Variants in NSMCE2 observed in about 807,000 individuals in gnomAD.
NSMCE2 encodes E3 SUMO-protein ligase NSE2.
NSMCE2 carries 24 observed loss-of-function variants against 23.8 expected under a neutral mutation model. The ratio of observed to expected loss-of-function variants is 1.01; its 90% CI spans 0.73 to 1.42. NSMCE2 has a LOEUF of 1.42. NSMCE2 is among the 40% of genes most tolerant of loss of function. NSMCE2 has a pLI of 0.00. For missense variants in NSMCE2, 284 were observed against 296.5 expected (o/e 0.96, Z 0.31); for synonymous variants, 92 against 94.1 (o/e 0.98, Z 0.13).
chr8:125,272,636 C>T (rs1398218055), intron 5 of NSMCE2, among the ~76,000 whole-genome samples: 6 of 127,880 alleles, frequency 4.7e-5, no homozygotes, highest in African/African-American at 1.8e-4. Context: ...ACACTTTATA[C>T]TGCCACAATA....
intron 5 of NSMCE2, among the ~76,000 whole-genome samples, chr8:125,237,640 A>G (rs868520827): frequency 3.3e-5 from 5 of 152,244 alleles, no homozygotes; most frequent in Admixed American, 2.6e-4. Flanking sequence ...TTCACTGTGA[A>G]TTAATAAAGT....
intron 4 of NSMCE2, among the ~76,000 whole-genome samples, chr8:125,173,037 A>G (rs1258422214): frequency 6.6e-6 from 1 of 152,194 alleles, no homozygotes; most frequent in African/African-American, 2.4e-5. Flanking sequence ...CAGGTGTTCC[A>G]GGTTCCAGAC....
At chr8:125,365,904 C>T (rs902959526) in intron 7 of NSMCE2, among the ~76,000 whole-genome samples, 2 of 152,086 alleles carry the variant, frequency 1.3e-5, no homozygotes, top group African/African-American at 2.4e-5. Context: ...GCCCCATTGG[C>T]GCACTGACCT....
At chr8:125,116,396 C>T (rs750861394) in intron 3 of NSMCE2, among the ~76,000 whole-genome samples, 7 of 152,116 alleles carry the variant, frequency 4.6e-5, no homozygotes, top group Non-Finnish European at 1.0e-4. Flanking sequence ...GATTTTCTTC[C>T]TTATGTTAAA....
chr8:125,333,795 G>A (rs539936095), intron 5 of NSMCE2, among the ~76,000 whole-genome samples: 292 of 152,154 alleles, frequency 1.9e-3, no homozygotes, highest in African/African-American at 6.6e-3. Context: ...TTACAGGCGT[G>A]AGCCACCGCG....
chr8:125,247,693 C>T (rs1432181932), intron 5 of NSMCE2, among the ~76,000 whole-genome samples: 1 of 151,326 alleles, frequency 6.6e-6, no homozygotes, highest in Non-Finnish European at 1.5e-5. Context: ...TCATTGTACT[C>T]CCACTGGACA....
chr8:125,355,167 A>G (rs1290966153), intron 5 of NSMCE2, among the ~76,000 whole-genome samples: 1 of 152,220 alleles, frequency 6.6e-6, no homozygotes, highest in African/African-American at 2.4e-5. Context: ...CTTTGCAAAC[A>G]AACACCTCAT....
chr8:125,140,017 A>G (rs1820278838), intron 3 of NSMCE2, among the ~76,000 whole-genome samples: 1 of 152,218 alleles, frequency 6.6e-6, no homozygotes, highest in Non-Finnish European at 1.5e-5. Context: ...GGGATGCCTT[A>G]CACATGGAAT....
intron 3 of NSMCE2, among the ~76,000 whole-genome samples, chr8:125,114,195 T>A (rs937046410): frequency 1.3e-5 from 2 of 152,194 alleles, no homozygotes; most frequent in Non-Finnish European, 2.9e-5. Context: ...TTCTCTCGAC[T>A]GTTTAATACT....
At chr8:125,325,881 G>A (rs1829644356) in intron 5 of NSMCE2, among the ~76,000 whole-genome samples, 1 of 152,202 alleles carries the variant, frequency 6.6e-6, no homozygotes. Flanking sequence ...GAACCTGGGA[G>A]GCGGAGGTTG....
At chr8:125,208,524 A>G (rs1824203020) in intron 5 of NSMCE2, among the ~76,000 whole-genome samples, 1 of 152,260 alleles carries the variant, frequency 6.6e-6, no homozygotes, top group Non-Finnish European at 1.5e-5. Context: ...ATAGATGGAT[A>G]TGACCTAGTC....
At chr8:125,239,106 T>C (rs551380442) in intron 5 of NSMCE2, among the ~76,000 whole-genome samples, 1 of 152,280 alleles carries the variant, frequency 6.6e-6, no homozygotes, top group Admixed American at 6.5e-5. Context: ...CCAGTTTTCA[T>C]CCCATTTGGC....
chr8:125,181,617 G>A (rs1822814865), intron 4 of NSMCE2, among the ~76,000 whole-genome samples: 1 of 152,030 alleles, frequency 6.6e-6, no homozygotes, highest in South Asian at 2.1e-4. Context: ...CCTTGGCATG[G>A]CAGGACATTA....
At chr8:125,171,961 T>C (rs1231672660) in intron 4 of NSMCE2, among the ~76,000 whole-genome samples, 1 of 152,232 alleles carries the variant, frequency 6.6e-6, no homozygotes, top group Non-Finnish European at 1.5e-5. Context: ...TAATTTTATT[T>C]AATTTTAATT....
intron 7 of NSMCE2, among the ~76,000 whole-genome samples, chr8:125,362,387 C>A (rs535543894): frequency 6.6e-6 from 1 of 152,298 alleles, no homozygotes; most frequent in East Asian, 1.9e-4. Context: ...CTTCCCTGAG[C>A]CCTTATTCAT....
intron 3 of NSMCE2, among the ~76,000 whole-genome samples, chr8:125,129,464 A>G (rs1454952073): frequency 6.6e-6 from 1 of 151,862 alleles, no homozygotes; most frequent in Non-Finnish European, 1.5e-5. Context: ...CTTCATTCCT[A>G]CTTAGTTTAT....
At chr8:125,207,180 A>G (rs1345614609) in intron 5 of NSMCE2, among the ~76,000 whole-genome samples, 4 of 151,216 alleles carry the variant, frequency 2.6e-5, no homozygotes, top group Non-Finnish European at 5.9e-5. Flanking sequence ...CTTCTACTTC[A>G]TTGGTAGTAT....
Position 125,302,523 on chromosome 8 carries a change from A to T in NSMCE2, c.419-54696A>T, listed in dbSNP as rs537760273. ...GACTTTGGCTTTTACTTAGAGGTTA[A>T]TATGGGGTGAGAATTGAGAGAAGAA... On this transcript the variant is annotated intron_variant, in intron 5 of 7. Transcript: ENST00000287437. 5.3e-5 allele frequency among the ~76,000 whole-genome samples: 8 copies of T among 152,316 alleles called. No individual in the cohort carries two copies. The South Asian group carries it at 1.7e-3, about 32-fold the overall frequency.
intron 4 of NSMCE2, among the ~76,000 whole-genome samples, chr8:125,159,671 G>A (rs952779425): frequency 6.6e-6 from 1 of 152,156 alleles, no homozygotes; most frequent in Non-Finnish European, 1.5e-5. Context: ...GTTTTGGAAT[G>A]TATCTCCTGT....
Sources: gnomAD v4.1 joint callset for allele counts (sites outside exome capture counted in the v4.1 genomes callset) on GRCh38, gnomAD v4.1.1 for gene constraint, MANE v1.5 for transcripts, NCBI Gene and HGNC (gene_info 2026-07-23, HGNC 2026-07-21) for gene names.